Variants in ZNF630 observed in about 807,000 individuals in gnomAD.
ZNF630 encodes dJ54B20.2 (novel KRAB box containing C2H2 type zinc finger protein).
In ZNF630, 5 loss-of-function variants were observed where a neutral mutation model predicts 7.2. The ratio of observed to expected loss-of-function variants is 0.70; its 90% CI spans 0.36 to 1.46. ZNF630 has a LOEUF of 1.46. Ranked by LOEUF, ZNF630 falls within the 40% of genes most tolerant of loss-of-function variation. ZNF630 has a pLI of 0.03. For synonymous variants in ZNF630, 158 were observed against 162.8 expected (o/e 0.97, Z 0.23); for missense variants, 461 against 477.0 (o/e 0.97, Z 0.31).
In ZNF630 at chrX:48,058,753, T is replaced by C. The variant is rs782406781; in HGVS notation, c.1689A>G (p.Arg563=). 3.3e-6 allele frequency: 4 copies of C among 1,205,321 alleles called. No individual in the cohort carries two copies. In the African/African-American group the frequency reaches 7.1e-5, roughly 21 times the overall value. Reference sequence around the variant, plus strand: ...CATAGGGTTTCTCTCCAGTATGACCTCTCTGATGTAGAATGAGATGTGACT... The same window carrying C: ...CATAGGGTTTCTCTCCAGTATGACCCCTCTGATGTAGAATGAGATGTGACT... The part of the protein sequence containing the change: ...SLKSHLILHQ[R]GHTGEKPYEC... The change falls in exon 5 of 5, where the codon AGA becomes AGG. Residue 563 remains arginine (R), a synonymous_variant. Coordinates refer to ENST00000276054, the MANE Select transcript of ZNF630 (RefSeq NM_001282201.2).
Position 48,060,159 on chromosome X carries a change from C to A in ZNF630, c.283G>T (p.Glu95Ter), listed in dbSNP as rs1556908917. 1.7e-6 allele frequency: 2 copies of A among 1,159,005 alleles called. No homozygotes were observed. Among genetic ancestry groups the A allele is most frequent in the African/African-American group, 3.6e-5 (2 of 55,111 alleles). ...AGTATCTCCCTTTGAAATAAAAGTT[C>A]TCCAGAAATGATCTGCTGGGAAGAT... ...LESSQQIISG[E>*]LLFQREILER... The change falls in exon 5 of 5, where the codon GAA becomes TAA. Residue 95 changes from glutamate to a stop codon, truncating the protein, a stop_gained. Coordinates refer to ENST00000276054, the MANE Select transcript of ZNF630 (RefSeq NM_001282201.2). LOFTEE classifies it low-confidence loss of function (END_TRUNC).
chrX:48,059,425 T>A lies in ZNF630; in HGVS notation c.1017A>T (p.Arg339Ser). 1 of 1,208,236 alleles carries A rather than the reference T, an allele frequency of 8.3e-7. No homozygotes were observed. The highest frequency in any genetic ancestry group is 1.1e-6 in the Non-Finnish European group (1 of 893,271). Reference sequence around the variant, plus strand: ...CATAGGGTTTCTCTCCAGTATGGACTCTCTGATGAACAGTGAAAGGTGACT... The same window carrying A: ...CATAGGGTTTCTCTCCAGTATGGACACTCTGATGAACAGTGAAAGGTGACT... Reference protein sequence around the residue: ...SRKSPFTVHQRVHTGEKPYEC... With the variant: ...SRKSPFTVHQSVHTGEKPYEC... Residue 339 changes from arginine to serine, a missense_variant, in exon 5 of 5, where the codon AGA becomes AGT. Transcript: ENST00000276054.
Position 48,067,042 on chromosome X carries a change from T to G in ZNF630, c.-156A>C. On this transcript the variant is annotated 5_prime_UTR_variant, in exon 2 of 5. Coordinates refer to ENST00000276054, the MANE Select transcript of ZNF630 (RefSeq NM_001282201.2). Reference sequence around the variant, plus strand: ...TGTGTTTCTCATCTGACTCGGTAATTCCATTTCCGGAACTTCGTCCTAAGG... The same window carrying G: ...TGTGTTTCTCATCTGACTCGGTAATGCCATTTCCGGAACTTCGTCCTAAGG... 3.4e-6 allele frequency: 2 copies of G among 593,898 alleles called. No individual in the cohort carries two copies. Among genetic ancestry groups the G allele is most frequent in the Non-Finnish European group, 5.4e-6 (2 of 370,930 alleles). The allele number at this position is 593,898 out of a possible 1,213,427, so 48.9% of individuals were successfully genotyped here. A position where few individuals can be genotyped will look rare whatever the true frequency, so the allele number is the denominator to read the frequency against.
At chrX:48,068,273 AAG>A (rs2059142901) in intron 1 of ZNF630, among the ~76,000 whole-genome samples, 1 of 102,613 alleles carries the variant, frequency 9.7e-6, no homozygotes, top group Non-Finnish European at 1.9e-5. Flanking sequence ...GGAAGGAAGG[AAG>A]GAAGGAAGGA....
Position 48,067,058 on chromosome X carries a change from C to T in ZNF630, c.-172G>A, listed in dbSNP as rs2059134379. ...CTCGGTAATTCCATTTCCGGAACTTCGTCCTAAGGTAATAATCATGGATAT... is the reference window on the plus strand; with the variant it reads ...CTCGGTAATTCCATTTCCGGAACTTTGTCCTAAGGTAATAATCATGGATAT... On this transcript the variant is annotated 5_prime_UTR_variant, in exon 2 of 5. Transcript: ENST00000276054. 5 of 512,594 alleles carry T rather than the reference C, an allele frequency of 9.8e-6. No individual in the cohort carries two copies. The highest frequency in any genetic ancestry group is 3.5e-4 in the Middle Eastern group (1 of 2,890). 42.2% of individuals were successfully genotyped at this position (512,594 alleles called of 1,213,427 possible). A position where few individuals can be genotyped will look rare whatever the true frequency, so the allele number is the denominator to read the frequency against.
At chrX:48,068,009 C>T (rs1359732100) in intron 1 of ZNF630, among the ~76,000 whole-genome samples, 1 of 108,683 alleles carries the variant, frequency 9.2e-6, no homozygotes, top group African/African-American at 3.4e-5. Context: ...TTGCAGTGAG[C>T]CGAGATTGAG....
chrX:48,059,776 A>G lies in ZNF630; in HGVS notation c.666T>C (p.Pro222=). 2 of 1,208,624 alleles carry G rather than the reference A, an allele frequency of 1.7e-6. No individual in the cohort carries two copies. Among genetic ancestry groups the G allele is most frequent in the Non-Finnish European group, 2.2e-6 (2 of 893,226 alleles). ...CAGTATGAATGAAGCCTTCCTTCTC[A>G]GGCACAGAACAGGAAGCATTATACT... ...PPKYNASCSV[P]EKEGFIHTGM... The change falls in exon 5 of 5, where the codon CCT becomes CCC. Residue 222 remains proline, a synonymous_variant. Coordinates refer to ENST00000276054, the MANE Select transcript of ZNF630 (RefSeq NM_001282201.2).
At position 48,058,160 on chromosome X, in the gene ZNF630, A is replaced by G; in HGVS notation, c.*308T>C. ...CCCTTCAAATAATGCACCATGCCCA[A>G]ATAAATTCACAAGAGAATTCTATAA... On this transcript the variant is annotated 3_prime_UTR_variant, in exon 5 of 5. Transcript: ENST00000276054. The G allele has an allele frequency of 4.5e-6, 1 of 223,534 alleles. No individual in the cohort carries two copies. Among genetic ancestry groups the G allele is most frequent in the Non-Finnish European group, 8.0e-6 (1 of 124,318 alleles). 18.4% of individuals were successfully genotyped at this position (223,534 alleles called of 1,213,427 possible).
chrX:48,058,148 G>T lies in ZNF630; in HGVS notation c.*320C>A. 4.9e-6 allele frequency: 1 copy of T among 205,135 alleles called. No homozygotes were observed. Among genetic ancestry groups the T allele is most frequent in the East Asian group, 8.9e-5 (1 of 11,233 alleles). The allele number at this position is 205,135 out of a possible 1,213,427, so 16.9% of individuals were successfully genotyped here. A position where few individuals can be genotyped will look rare whatever the true frequency, so the allele number is the denominator to read the frequency against. On this transcript the variant is annotated 3_prime_UTR_variant, in exon 5 of 5. Transcript: ENST00000276054. ...GACAAAGAGATACCCTTCAAATAAT[G>T]CACCATGCCCAAATAAATTCACAAG...
intron 2 of ZNF630, among the ~76,000 whole-genome samples, chrX:48,064,152 T>C (rs1479286484): frequency 1.8e-5 from 2 of 110,924 alleles, no homozygotes; most frequent in Non-Finnish European, 3.8e-5. Context: ...AGAGGGTTCC[T>C]GGGTGAATTA....
chrX:48,060,283 ACAC>A (rs2059098805), intron 4 of ZNF630, 80 bp from the exon 5 acceptor site: 6 of 619,336 alleles, frequency 9.7e-6, no homozygotes, highest in Non-Finnish European at 1.4e-5. Flanking sequence ...ACACACACAC[ACAC>A]AAAACAGTTG....
chrX:48,064,933 A>C (rs2059123135), intron 2 of ZNF630, among the ~76,000 whole-genome samples: 1 of 112,097 alleles, frequency 8.9e-6, no homozygotes, highest in Non-Finnish European at 1.9e-5. Flanking sequence ...TCTACCTAAA[A>C]CAGCAGATTT....
chrX:48,066,755 A>G (rs1236550838), intron 2 of ZNF630, 117 bp downstream of exon 2: 1 of 956,018 alleles, frequency 1.0e-6, no homozygotes, highest in East Asian at 3.1e-5. Context: ...GTGTATCTTC[A>G]CAGCAATTTT....
intron 4 of ZNF630, 96 bp from the exon 5 acceptor site, chrX:48,060,299 A>C (rs2059098935): frequency 7.1e-6 from 7 of 989,216 alleles, no homozygotes; most frequent in Non-Finnish European, 9.4e-6. Flanking sequence ...AACAGTTGGC[A>C]ATGAACAGAG....
intron 3 of ZNF630, 88 bp from the exon 4 acceptor site, chrX:48,060,633 G>A: frequency 1.0e-6 from 1 of 958,533 alleles, no homozygotes; most frequent in Non-Finnish European, 1.4e-6. Flanking sequence ...CAGCAAAGTT[G>A]GATCCTTAAC....
chrX:48,070,965 CT>C (rs1167021002), intron 1 of ZNF630: 4 of 109,117 alleles, frequency 3.7e-5, no homozygotes, highest in African/African-American at 6.8e-5. Context: ...CCAGATCCCC[CT>C]ATCCACTCAC....
rs2059104226 is a variant in ZNF630 at position 48,061,254 on chromosome X, A to C, written c.16-309T>G. On this transcript the variant is annotated intron_variant, in intron 2 of 4. Coordinates refer to ENST00000276054, the MANE Select transcript of ZNF630 (RefSeq NM_001282201.2). ...CCTACCTCACACTATATACAAAAATAAATTCATGACAAAAATTTAAATGAA... is the reference window on the plus strand; with the variant it reads ...CCTACCTCACACTATATACAAAAATCAATTCATGACAAAAATTTAAATGAA... 1.8e-5 allele frequency among the ~76,000 whole-genome samples: 2 copies of C among 111,734 alleles called. 1 individual carries two copies. Among genetic ancestry groups the C allele is most frequent in the African/African-American group, 6.5e-5 (2 of 30,634 alleles).
chrX:48,059,346 G>A lies in ZNF630; in HGVS notation c.1096C>T (p.Gln366Ter), dbSNP rs2059088835. Residue 366 changes from glutamine to a stop codon, truncating the protein, a stop_gained, in exon 5 of 5, where the codon CAG (glutamine) becomes TAG (stop). Transcript: ENST00000276054. LOFTEE classifies it low-confidence loss of function (END_TRUNC). ...GGCTTCTCTCTGGTATGAACTCTCTGATGTATAATTAGATGTGACTTCTGG... is the reference window on the plus strand; with the variant it reads ...GGCTTCTCTCTGGTATGAACTCTCTAATGTATAATTAGATGTGACTTCTGG... Reference protein sequence around the residue: ...FSQKSHLIIHQRVHTREKPFE... With the variant: ...FSQKSHLIIH 13 of 1,208,281 alleles carry A rather than the reference G, an allele frequency of 1.1e-5. No homozygotes were observed. The highest frequency in any genetic ancestry group is 1.8e-5 in the South Asian group (1 of 56,879).
At chrX:48,068,194 G>A (rs1421715271) in intron 1 of ZNF630, among the ~76,000 whole-genome samples, 2 of 43,203 alleles carry the variant, frequency 4.6e-5, no homozygotes, top group Non-Finnish European at 9.4e-5. Context: ...AAGGAAGGAA[G>A]GAAGGAAAGA....
Sources: gnomAD v4.1 joint callset for allele counts (sites outside exome capture counted in the v4.1 genomes callset) on GRCh38, gnomAD v4.1.1 for gene constraint, MANE v1.5 for transcripts, NCBI Gene and HGNC (gene_info 2026-07-23, HGNC 2026-07-21) for gene names.